Variants in DDRGK1 observed in about 807,000 individuals in gnomAD.
DDRGK1 encodes the protein DDRGK domain-containing protein 1.
DDRGK1 carries 38 observed loss-of-function variants against 45.8 expected under a neutral mutation model. The observed-to-expected ratio is 0.83, with a 90% confidence interval of 0.64 to 1.09. The LOEUF is 1.09. Among genes scored for constraint, DDRGK1 ranks in the 50% least tolerant of loss-of-function variants. DDRGK1 has a pLI of 0.00. For missense variants in DDRGK1, 403 were observed against 419.9 expected (o/e 0.96, Z 0.35); for synonymous variants, 171 against 168.7 (o/e 1.01, Z -0.11).
intron 4 of DDRGK1, among the ~76,000 whole-genome samples, chr20:3,197,921 C>CAAA (rs34622182): frequency 3.5e-4 from 23 of 65,542 alleles, no homozygotes; most frequent in African/African-American, 1.3e-3. Context: ...GACTGTATCT[C>CAAA]AAAAAAAAAA....
At chr20:3,196,440 G>A (rs1253181228) in intron 4 of DDRGK1, among the ~76,000 whole-genome samples, 1 of 152,028 alleles carries the variant, frequency 6.6e-6, no homozygotes, top group East Asian at 1.9e-4. Context: ...CACTTTGGGA[G>A]GCCAAGGCGG....
chr20:3,190,484 A>G lies in DDRGK1; in HGVS notation c.*169T>C. ...ATTTCACCTGCTTATCTAGGATCCT[A>G]GGCCAGGCCTTCTGCCACACCAAGC... is the stretch of plus-strand genomic sequence containing the variant. On this transcript the variant is annotated 3_prime_UTR_variant, in exon 9 of 9. Transcript: ENST00000354488. 1 of 807,076 alleles carries G rather than the reference A, an allele frequency of 1.2e-6. No individual in the cohort carries two copies. The highest frequency in any genetic ancestry group is 1.9e-6 in the Non-Finnish European group (1 of 515,830). The allele number at this position is 807,076 out of a possible 1,614,324, so 50.0% of individuals were successfully genotyped here.
At chr20:3,202,397 G>C (rs572696265) in intron 2 of DDRGK1, among the ~76,000 whole-genome samples, 1 of 152,114 alleles carries the variant, frequency 6.6e-6, no homozygotes, top group Admixed American at 6.6e-5. Context: ...AATTTATCCC[G>C]CCTCAAATCT....
chr20:3,192,037 A>T (rs1345874559), intron 6 of DDRGK1, among the ~76,000 whole-genome samples: 1 of 151,722 alleles, frequency 6.6e-6, no homozygotes. Flanking sequence ...GCACAATCAT[A>T]AACCCTCTCA....
intron 6 of DDRGK1, among the ~76,000 whole-genome samples, chr20:3,193,742 C>T (rs945931067): frequency 6.6e-6 from 1 of 152,142 alleles, no homozygotes; most frequent in African/African-American, 2.4e-5. Flanking sequence ...CAGGGAGCCA[C>T]CAAAAGTGAG....
chr20:3,191,285 C>G (rs11906805), intron 7 of DDRGK1, 47 bp from the exon 8 acceptor site: 1 of 1,601,590 alleles, frequency 6.2e-7, no homozygotes, highest in African/African-American at 1.3e-5. Context: ...CCAATGTCCC[C>G]AGAAAAAGCA....
Position 3,203,326 on chromosome 20 carries a change from C to G in DDRGK1, c.182G>C (p.Gly61Ala). The change falls in exon 2 of 9, where the codon GGA becomes GCA. Residue 61 changes from glycine to alanine, a missense_variant. Physicochemically the swap from Gly to Ala is moderately conservative, Grantham distance 60 (BLOSUM62 0). Transcript: ENST00000354488. ...GPLEPEEPRA[G>A]GRPRRRRDLG... ...GTCCCTCCGGCGCCGAGGCCTGCCTCCAGCTCTCGGCTCCTCAGGCTCCAG... is the reference window on the plus strand; with the variant it reads ...GTCCCTCCGGCGCCGAGGCCTGCCTGCAGCTCTCGGCTCCTCAGGCTCCAG... 6.2e-7 allele frequency: 1 copy of G among 1,609,318 alleles called. No individual in the cohort carries two copies. The highest frequency in any genetic ancestry group is 1.7e-4 in the Middle Eastern group (1 of 6,036).
intron 4 of DDRGK1, 39 bp from the exon 5 acceptor site, chr20:3,195,392 G>T: frequency 6.4e-7 from 1 of 1,556,438 alleles, no homozygotes; most frequent in South Asian, 1.2e-5. Flanking sequence ...ATCGGGGGCA[G>T]AACAGGGCAG....
In DDRGK1 at chr20:3,204,584, A is replaced by T. The variant is rs1254610393; in HGVS notation, c.44T>A (p.Val15Asp). 6.3e-7 allele frequency: 1 copy of T among 1,580,376 alleles called. No homozygotes were observed. The highest frequency in any genetic ancestry group is 8.6e-7 in the Non-Finnish European group (1 of 1,168,836). ...VWYLVAAALL[V>D]GFILFLTRSR... The stretch of plus-strand genomic sequence containing the variant: ...GCGAGTCAGGAAGAGGATAAAGCCG[A>T]CTAGCAGAGCCGCCGCTACCAAGTA... Residue 15 changes from valine to aspartate, a missense_variant, in exon 1 of 9, where the codon GTC becomes GAC. Val to Asp is a radical substitution (Grantham distance 152). Coordinates refer to ENST00000354488, the MANE Select transcript of DDRGK1 (RefSeq NM_023935.3).
chr20:3,191,251 C>T lies in DDRGK1; in HGVS notation c.730-13G>A, dbSNP rs1382776768. The T allele has an allele frequency of 1.2e-6, 2 of 1,614,144 alleles. No homozygotes were observed. The highest frequency in any genetic ancestry group is 1.1e-5 in the South Asian group (1 of 91,086). On this transcript the variant is annotated splice_polypyrimidine_tract_variant and intron_variant, in intron 7 of 8. Coordinates refer to ENST00000354488, the MANE Select transcript of DDRGK1 (RefSeq NM_023935.3). ...GATTTATGGTGTCCTATGAGGAGAA[C>T]AACTCTCAGAATAGAGATAGGCACC...
chr20:3,199,280 G>A (rs1302218423), intron 4 of DDRGK1, among the ~76,000 whole-genome samples: 2 of 152,214 alleles, frequency 1.3e-5, no homozygotes, highest in African/African-American at 2.4e-5. Flanking sequence ...TGGTTACAGG[G>A]GAGAAGAGCC....
At chr20:3,196,501 C>T (rs1345794342) in intron 4 of DDRGK1, among the ~76,000 whole-genome samples, 2 of 126,580 alleles carry the variant, frequency 1.6e-5, no homozygotes, top group African/African-American at 3.0e-5. Context: ...CACGGTGAAA[C>T]CCTGTCTCCA....
At position 3,190,433 on chromosome 20, in the gene DDRGK1, C is replaced by T; in HGVS notation, c.*220G>A. The T allele has an allele frequency of 3.5e-6, 2 of 572,790 alleles. No individual in the cohort carries two copies. The highest frequency in any genetic ancestry group is 2.4e-5 in the South Asian group (1 of 40,916). The allele number at this position is 572,790 out of a possible 1,614,324, so 35.5% of individuals were successfully genotyped here. A position where few individuals can be genotyped will look rare whatever the true frequency, so the allele number is the denominator to read the frequency against. ...ACCAGCTTCCAAGGGACCCTCCCCA[C>T]CTCTCGGATATATTCTGAAGCCTAA... On this transcript the variant is annotated 3_prime_UTR_variant, in exon 9 of 9. Coordinates refer to ENST00000354488, the MANE Select transcript of DDRGK1 (RefSeq NM_023935.3).
chr20:3,192,714 C>A (rs1325254667), intron 6 of DDRGK1, among the ~76,000 whole-genome samples: 1 of 152,302 alleles, frequency 6.6e-6, no homozygotes, highest in East Asian at 1.9e-4. Flanking sequence ...CAGGCACCTG[C>A]CCCCACTACC....
chr20:3,192,601 C>T (rs530947659), intron 6 of DDRGK1, among the ~76,000 whole-genome samples: 3 of 152,318 alleles, frequency 2.0e-5, no homozygotes, highest in South Asian at 2.1e-4. Flanking sequence ...CCGCTGAGTG[C>T]TTTCCAGCAC....
At chr20:3,197,403 A>G (rs1361944120) in intron 4 of DDRGK1, among the ~76,000 whole-genome samples, 1 of 152,176 alleles carries the variant, frequency 6.6e-6, no homozygotes, top group East Asian at 1.9e-4. Flanking sequence ...GGAAAAAAAC[A>G]GTCACATTAC....
chr20:3,192,742 A>G (rs1451420594), intron 6 of DDRGK1, among the ~76,000 whole-genome samples: 1 of 152,190 alleles, frequency 6.6e-6, no homozygotes, highest in Non-Finnish European at 1.5e-5. Flanking sequence ...ACAGCACAGG[A>G]CTTGAGAAAA....
chr20:3,201,267 G>A (rs1486637117), intron 2 of DDRGK1, among the ~76,000 whole-genome samples: 14 of 144,672 alleles, frequency 9.7e-5, no homozygotes, highest in East Asian at 6.1e-4. Context: ...CAGCCTGGGC[G>A]ACAGAGCGAG....
chr20:3,196,980 T>G (rs2067013805), intron 4 of DDRGK1, among the ~76,000 whole-genome samples: 1 of 151,920 alleles, frequency 6.6e-6, no homozygotes, highest in Admixed American at 6.6e-5. Context: ...CCCACCACTT[T>G]GGGAGGCTGA....
Sources: allele counts gnomAD v4.1 joint callset (sites outside exome capture counted in the v4.1 genomes callset), GRCh38; gene constraint gnomAD v4.1.1; transcripts MANE v1.5; gene names NCBI Gene and HGNC (gene_info 2026-07-23, HGNC 2026-07-21).